SAMD3: variants seen among roughly 807,000 people sequenced by gnomAD.
SAMD3 encodes sterile alpha motif domain containing 3, also known as sterile alpha motif domain-containing protein 3.
SAMD3 carries 63 observed loss-of-function variants against 58.5 expected under a neutral mutation model. That is an observed-to-expected ratio of 1.08 (90% CI 0.88 to 1.33). The LOEUF (loss-of-function observed/expected upper bound fraction) is 1.33, where lower values mean the gene tolerates loss of function less well. Ranked by LOEUF, SAMD3 falls within the 40% of genes most tolerant of loss-of-function variation. The pLI, the probability that SAMD3 is intolerant of heterozygous loss-of-function variation, is 0.00. For missense variants in SAMD3, 604 were observed against 608.4 expected (o/e 0.99, Z 0.08); for synonymous variants, 220 against 210.3 (o/e 1.05, Z -0.40).
At chr6:130,281,636 C>T (rs1774984857) in intron 2 of SAMD3, among the ~76,000 whole-genome samples, 1 of 151,928 alleles carries the variant, frequency 6.6e-6, no homozygotes, top group African/African-American at 2.4e-5. Flanking sequence ...AAATGTATTT[C>T]AGCTGGGTAT....
intron 2 of SAMD3, among the ~76,000 whole-genome samples, chr6:130,258,040 T>C (rs1773982530): frequency 6.6e-6 from 1 of 152,170 alleles, no homozygotes; most frequent in South Asian, 2.1e-4. Context: ...AGTAGTTTTT[T>C]CTTTTTAATT....
At chr6:130,154,135 T>C (rs1789508358) in intron 9 of SAMD3, among the ~76,000 whole-genome samples, 1 of 152,022 alleles carries the variant, frequency 6.6e-6, no homozygotes, top group Non-Finnish European at 1.5e-5. Context: ...AAAATACCCC[T>C]AAGTGATGAT....
chr6:130,293,876 C>A (rs1044181542), intron 2 of SAMD3, among the ~76,000 whole-genome samples: 2 of 151,900 alleles, frequency 1.3e-5, no homozygotes, highest in African/African-American at 4.8e-5. Flanking sequence ...TTTGATGTTG[C>A]GGAAGTCTTA....
At chr6:130,344,418 G>A (rs1336592433) in intron 1 of SAMD3, among the ~76,000 whole-genome samples, 2 of 152,116 alleles carry the variant, frequency 1.3e-5, no homozygotes, top group Non-Finnish European at 2.9e-5. Flanking sequence ...GTCTCGCTCT[G>A]TCGCCCAGGC....
chr6:130,354,022 A>C (rs1777755209), intron 1 of SAMD3, among the ~76,000 whole-genome samples: 1 of 152,246 alleles, frequency 6.6e-6, no homozygotes, highest in Admixed American at 6.5e-5. Context: ...GGACATGAAC[A>C]GAAACTTTTC....
chr6:130,185,908 G>A (rs1020098436), intron 5 of SAMD3, among the ~76,000 whole-genome samples: 1 of 152,106 alleles, frequency 6.6e-6, no homozygotes, highest in African/African-American at 2.4e-5. Flanking sequence ...CGGGATTACA[G>A]GCATGAGCCA....
At chr6:130,273,785 A>G (rs1419765338) in intron 2 of SAMD3, among the ~76,000 whole-genome samples, 3 of 152,154 alleles carry the variant, frequency 2.0e-5, no homozygotes, top group Non-Finnish European at 4.4e-5. Context: ...AAATATCTCT[A>G]TACTTTTACT....
chr6:130,213,017 T>G (rs943489896), intron 4 of SAMD3, among the ~76,000 whole-genome samples: 1 of 152,204 alleles, frequency 6.6e-6, no homozygotes, highest in African/African-American at 2.4e-5. Context: ...GCAAAGCAGC[T>G]CTTGCCTGTA....
intron 2 of SAMD3, among the ~76,000 whole-genome samples, chr6:130,232,905 A>G (rs1796586878): frequency 6.6e-6 from 1 of 152,202 alleles, no homozygotes; most frequent in African/African-American, 2.4e-5. Flanking sequence ...GGAATTGGCC[A>G]GTAGGAAGAT....
At chr6:130,293,558 G>A (rs1157787546) in intron 2 of SAMD3, among the ~76,000 whole-genome samples, 1 of 151,368 alleles carries the variant, frequency 6.6e-6, no homozygotes, top group Non-Finnish European at 1.5e-5. Flanking sequence ...ATATCCTTAA[G>A]TAGGAAGTTG....
At chr6:130,312,216 T>G (rs910451597) in intron 2 of SAMD3, among the ~76,000 whole-genome samples, 2 of 152,234 alleles carry the variant, frequency 1.3e-5, no homozygotes, top group Non-Finnish European at 2.9e-5. Flanking sequence ...AATTGAGACT[T>G]CGTTTTGTGA....
At chr6:130,252,812 T>C (rs1583009515) in intron 2 of SAMD3, among the ~76,000 whole-genome samples, 1 of 152,200 alleles carries the variant, frequency 6.6e-6, no homozygotes, top group Admixed American at 6.5e-5. Flanking sequence ...ATGCGCTCTG[T>C]GGAAGGGTTC....
At chr6:130,351,979 C>T (rs150194638) in intron 1 of SAMD3, among the ~76,000 whole-genome samples, 1 of 148,808 alleles carries the variant, frequency 6.7e-6, no homozygotes, top group African/African-American at 2.5e-5. Flanking sequence ...AACCAAACAC[C>T]GCATTTTCTC....
At position 130,144,353 on chromosome 6, in the gene SAMD3, A is replaced by AACTT. The variant is rs1788422346; in HGVS notation, c.*163_*166dup. On this transcript the variant is annotated 3_prime_UTR_variant, in exon 12 of 12. Transcript: ENST00000439090. ...AATTTTATTACAGAATTTCACAAAGAACTTAATATCTAAGTGTAAAGATAG... is the reference window on the plus strand; with the variant it reads ...AATTTTATTACAGAATTTCACAAAGAACTTACTTAATATCTAAGTGTAAAGATAG... 6.7e-6 allele frequency: 4 copies of AACTT among 594,134 alleles called. No homozygotes were observed. Among genetic ancestry groups the AACTT allele is most frequent in the East Asian group, 3.0e-5 (1 of 33,610 alleles). 36.8% of individuals were successfully genotyped at this position (594,134 alleles called of 1,614,324 possible).
At chr6:130,322,273 A>G (rs570084397) in intron 1 of SAMD3, among the ~76,000 whole-genome samples, 96 of 152,264 alleles carry the variant, frequency 6.3e-4, no homozygotes, top group African/African-American at 2.2e-3. Flanking sequence ...AGAGAGAGAG[A>G]GATGGACCCC....
intron 8 of SAMD3, chr6:130,159,508 T>C (rs1166882178): frequency 2.6e-5 from 4 of 152,234 alleles, no homozygotes; most frequent in African/African-American, 9.7e-5. Context: ...TTTTGTTACC[T>C]GGGCATGAAA....
chr6:130,358,570 T>A (rs1004449977), intron 1 of SAMD3, among the ~76,000 whole-genome samples: 3 of 152,226 alleles, frequency 2.0e-5, no homozygotes, highest in Admixed American at 1.3e-4. Context: ...GTTATTTTTT[T>A]AAACTGTTCA....
chr6:130,308,620 G>T (rs1776032784), intron 2 of SAMD3, among the ~76,000 whole-genome samples: 1 of 151,940 alleles, frequency 6.6e-6, no homozygotes, highest in Admixed American at 6.6e-5. Flanking sequence ...ACTAGATTAG[G>T]ACTCTGGAAC....
At chr6:130,328,035 C>A (rs879854419) in intron 1 of SAMD3, among the ~76,000 whole-genome samples, 15 of 152,114 alleles carry the variant, frequency 9.9e-5, no homozygotes, top group African/African-American at 3.6e-4. Flanking sequence ...TCCATTCTAC[C>A]CCTACCTGTA....
Sources: gnomAD v4.1 joint callset for allele counts (sites outside exome capture counted in the v4.1 genomes callset) on GRCh38, gnomAD v4.1.1 for gene constraint, MANE v1.5 for transcripts, NCBI Gene and HGNC (gene_info 2026-07-23, HGNC 2026-07-21) for gene names.